The following USP9X variants were observed in gnomAD, a reference collection of about 807,000 sequenced individuals.
USP9X encodes the protein ubiquitin carboxyl-terminal hydrolase 9X.
Under a neutral mutation model 190.3 loss-of-function variants are expected in USP9X, and 7 were observed. The observed-to-expected ratio is 0.04, with a 90% CI of 0.02 to 0.07. The LOEUF is 0.07. Ranked by LOEUF, USP9X falls within the 10% of genes least tolerant of loss-of-function variation. USP9X has a pLI of 1.00. For synonymous variants in USP9X, 645 were observed against 659.5 expected (o/e 0.98, Z 0.34); for missense variants, 1,010 against 1,916.9 (o/e 0.53, Z 8.83).
At chrX:41,092,777 A>G (rs1018819961) in intron 1 of USP9X, among the ~76,000 whole-genome samples, 2 of 111,294 alleles carry the variant, frequency 1.8e-5, no homozygotes, top group African/African-American at 3.3e-5. Context: ...TTGATTGCAG[A>G]CGTTCTGTGT....
chrX:41,172,916 T>G (rs753126117), intron 21 of USP9X, among the ~76,000 whole-genome samples: 26 of 111,892 alleles, frequency 2.3e-4, no homozygotes, highest in Non-Finnish European at 4.5e-4. Flanking sequence ...CTGGAAGTTT[T>G]GGTTTTATCC....
Position 41,217,363 on chromosome X carries a change from C to T in USP9X, c.6209+20C>T. The T allele has an allele frequency of 8.4e-7, 1 of 1,191,300 alleles. No homozygotes were observed. The highest frequency in any genetic ancestry group is 1.1e-6 in the Non-Finnish European group (1 of 887,010). On this transcript the variant is annotated intron_variant, in intron 36 of 44. Transcript: ENST00000378308. ...TGATTGGTACATTGCTTTGGATTTT[C>T]ATTCCTATTATACTAATGTTTGGTT...
intron 32 of USP9X, among the ~76,000 whole-genome samples, chrX:41,208,781 C>T (rs751207616): frequency 2.7e-5 from 3 of 110,025 alleles, no homozygotes; most frequent in African/African-American, 9.9e-5. Context: ...GATCTCGGCT[C>T]ACTGCAAGCT....
chrX:41,170,327 G>A (rs2062714503), intron 19 of USP9X, 92 bp downstream of exon 19: 1 of 1,092,851 alleles, frequency 9.2e-7, no homozygotes, highest in African/African-American at 1.8e-5. Context: ...TGTTATGTTT[G>A]GGACTGTGTT....
chrX:41,222,113 C>G (rs960776635), intron 38 of USP9X, among the ~76,000 whole-genome samples: 1 of 111,475 alleles, frequency 9.0e-6, no homozygotes, highest in Non-Finnish European at 1.9e-5. Context: ...GTGTGACACC[C>G]AAATGGAGAT....
At chrX:41,201,931 A>G (rs2063045565) in intron 31 of USP9X, among the ~76,000 whole-genome samples, 1 of 111,829 alleles carries the variant, frequency 8.9e-6, no homozygotes, top group Non-Finnish European at 1.9e-5. Flanking sequence ...AGATGGCACC[A>G]GTGCACTCCA....
chrX:41,122,497 T>C (rs1007639761), intron 1 of USP9X, among the ~76,000 whole-genome samples: 1 of 111,603 alleles, frequency 9.0e-6, no homozygotes, highest in African/African-American at 3.3e-5. Flanking sequence ...GTGACAGGGG[T>C]GTGGCTCATT....
At chrX:41,224,401 G>A (rs1380559964) in intron 39 of USP9X, among the ~76,000 whole-genome samples, 3 of 110,423 alleles carry the variant, frequency 2.7e-5, no homozygotes, top group Non-Finnish European at 5.7e-5. Flanking sequence ...TTGGGAGGCC[G>A]AGGTGGGTGG....
intron 29 of USP9X, among the ~76,000 whole-genome samples, chrX:41,197,768 T>C (rs1164721898): frequency 9.0e-6 from 1 of 111,037 alleles, no homozygotes. Flanking sequence ...CCCAGTACTT[T>C]GGGAGGCCGA....
chrX:41,223,293 A>G lies in USP9X; in HGVS notation c.6642A>G (p.Pro2214=), dbSNP rs752159719. ...TGCTTGTGTCTTTAGATGAAGGTCC[A>G]GGTCCTCCAATCAAATACCAGTATG... ...TFMLVSLDEG[P]GPPIKYQYAE... is the part of the protein sequence containing the mutation. The change falls in exon 39 of 45, where the codon CCA becomes CCG. Residue 2214 remains proline, a synonymous_variant. Transcript: ENST00000378308. The G allele has an allele frequency of 4.1e-6, 5 of 1,211,699 alleles. No individual in the cohort carries two copies. The highest frequency in any genetic ancestry group is 1.8e-5 in the South Asian group (1 of 57,004).
chrX:41,184,083 A>C lies in USP9X; in HGVS notation c.3234A>C (p.Ser1078=). The C allele has an allele frequency of 8.3e-7, 1 of 1,210,357 alleles. No individual in the cohort carries two copies. Among genetic ancestry groups the C allele is most frequent in the Non-Finnish European group, 1.1e-6 (1 of 894,882 alleles). ...GCAGCCTTAGTCCATCTCTTGACTC[A>C]CTTTTCTTTGGTCCTTCAGCCTCAC... ...GESSLSPSLD[S]LFFGPSASQV... is the part of the protein sequence containing the mutation. The change falls in exon 22 of 45, where the codon TCA becomes TCC. Residue 1078 remains serine, a synonymous_variant. Transcript: ENST00000378308.
chrX:41,207,215 A>G (rs1172130691), intron 32 of USP9X, among the ~76,000 whole-genome samples: 3 of 105,580 alleles, frequency 2.8e-5, no homozygotes, highest in Non-Finnish European at 3.9e-5. Context: ...CAGCCTCTCA[A>G]GTAGCTAGGA....
chrX:41,107,546 C>G (rs2062079684), intron 1 of USP9X, among the ~76,000 whole-genome samples: 1 of 112,215 alleles, frequency 8.9e-6, no homozygotes. Context: ...TGTCGAACTT[C>G]CTGCGTGTGT....
At chrX:41,125,651 C>CACACA (rs1182488805) in intron 2 of USP9X, among the ~76,000 whole-genome samples, 1 of 30,578 alleles carries the variant, frequency 3.3e-5, no homozygotes, top group African/African-American at 2.2e-4. Flanking sequence ...CCAACACACA[C>CACACA]ACACACACAC....
At chrX:41,186,165 G>A (rs1425110439) in intron 23 of USP9X, among the ~76,000 whole-genome samples, 1 of 110,088 alleles carries the variant, frequency 9.1e-6, no homozygotes, top group Non-Finnish European at 1.9e-5. Flanking sequence ...ATACAAGCAG[G>A]GTCTGCCCAA....
rs768309895 is a variant in USP9X at position 41,168,202 on chromosome X, A to G, written c.2620A>G (p.Ile874Val). Residue 874 changes from isoleucine (I) to valine (V), a missense_variant, in exon 18 of 45, where the codon ATT becomes GTT. Ile to Val is a conservative substitution (Grantham distance 29). Transcript: ENST00000378308. ...CDSDYHEERT[I>V]LPMSRAFRGK... Reference sequence around the variant, plus strand: ...CAGTGATTATCATGAGGAAAGAACAATTCTCCCTATGTCGAGGTTTGTGAA... The same window carrying G: ...CAGTGATTATCATGAGGAAAGAACAGTTCTCCCTATGTCGAGGTTTGTGAA... The G allele has an allele frequency of 1.6e-5, 19 of 1,198,844 alleles. No individual in the cohort carries two copies. Among genetic ancestry groups the G allele is most frequent in the South Asian group, 7.4e-5 (4 of 54,259 alleles).
At chrX:41,086,383 C>T (rs1478996771) in intron 1 of USP9X, among the ~76,000 whole-genome samples, 3 of 112,359 alleles carry the variant, frequency 2.7e-5, no homozygotes, top group Non-Finnish European at 5.7e-5. Flanking sequence ...CCCCCTCCTC[C>T]CCCTTCCCGT....
chrX:41,110,816 A>G (rs2062103593), intron 1 of USP9X, among the ~76,000 whole-genome samples: 1 of 111,830 alleles, frequency 8.9e-6, no homozygotes, highest in African/African-American at 3.3e-5. Flanking sequence ...CCAGATGGAG[A>G]AGAGAAGCCA....
chrX:41,148,023 A>G (rs2062486510), intron 11 of USP9X, among the ~76,000 whole-genome samples: 1 of 111,477 alleles, frequency 9.0e-6, no homozygotes, highest in Non-Finnish European at 1.9e-5. Flanking sequence ...GCTTAGCAGC[A>G]TCCCTGGTCT....
Sources: allele counts gnomAD v4.1 joint callset (sites outside exome capture counted in the v4.1 genomes callset), GRCh38; gene constraint gnomAD v4.1.1; transcripts MANE v1.5; gene names NCBI Gene and HGNC (gene_info 2026-07-23, HGNC 2026-07-21).